The following MYLK3 variants were observed in gnomAD, a reference collection of about 807,000 sequenced individuals.
MYLK3 encodes MLC kinase.
A neutral mutation model predicts 76.3 loss-of-function variants in MYLK3; 55 were observed. That is an observed-to-expected ratio of 0.72 (90% CI 0.58 to 0.90). MYLK3 has a LOEUF of 0.90. Ranked by LOEUF, MYLK3 falls within the 40% of genes least tolerant of loss-of-function variation. The pLI, the probability that MYLK3 is intolerant of heterozygous loss-of-function variation, is 0.00. For synonymous variants in MYLK3, 416 were observed against 425.4 expected, an observed-to-expected ratio of 0.98 and a Z score of 0.27; for missense variants, 973 against 1,053.6, an observed-to-expected ratio of 0.92 and a Z score of 1.06.
rs771442072 is a variant in MYLK3 at position 46,737,969 on chromosome 16, G to T, written c.743C>A (p.Ala248Asp). The change falls in exon 3 of 13, where the codon GCC (alanine) becomes GAC (aspartate). Residue 248 changes from alanine to aspartate, a missense_variant. Ala to Asp is a moderately radical substitution (Grantham distance 126, BLOSUM62 -2). This residue lies in a region of MYLK3 where 641 missense variants were observed against 637.0 expected (regional missense o/e 1.01). Transcript: ENST00000394809. ...CTCGCTGGGTGTCTCAGGAGCCTTG[G>T]CTTCCACCTTTGTGGGCAGGGGCAG... ...GHLPLPTKVE[A>D]KAPETPSENL... The T allele has an allele frequency of 6.8e-6, 11 of 1,614,092 alleles. No homozygotes were observed. Among genetic ancestry groups the T allele is most frequent in the Middle Eastern group, 1.7e-4 (1 of 6,052 alleles).
intron 8 of MYLK3, among the ~76,000 whole-genome samples, chr16:46,721,574 C>T (rs1352820121): frequency 2.0e-5 from 3 of 152,128 alleles, no homozygotes; most frequent in African/African-American, 4.8e-5. Context: ...CGCCATGTTG[C>T]CCAGGCCTGT....
In MYLK3 at chr16:46,743,039, C is replaced by A. The variant is rs559220055; in HGVS notation, c.478-2892G>T. On this transcript the variant is annotated intron_variant, in intron 1 of 12. Coordinates refer to ENST00000394809, the MANE Select transcript of MYLK3 (RefSeq NM_182493.3). ...GGCAGGCGCATGCGTACGCACCCCC[C>A]ACCCCCAGCTGGGTGCTGTCTTCAG... Among the ~76,000 whole-genome samples the A allele has an allele frequency of 5.9e-5, 9 of 152,334 alleles. No individual in the cohort carries two copies. The East Asian group carries it at 1.7e-3, about 29-fold the overall frequency.
chr16:46,736,291 C>T (rs966563688), intron 3 of MYLK3, among the ~76,000 whole-genome samples: 10 of 152,188 alleles, frequency 6.6e-5, no homozygotes, highest in African/African-American at 2.4e-4. Flanking sequence ...GGGATCAAGG[C>T]ATGAGCCACA....
intron 9 of MYLK3, among the ~76,000 whole-genome samples, chr16:46,719,919 T>A (rs1010525925): frequency 2.6e-5 from 4 of 152,250 alleles, no homozygotes; most frequent in African/African-American, 4.8e-5. Context: ...GGCTCACGCC[T>A]GTAATCCCAG....
chr16:46,751,226 C>T (rs1017930037), upstream of MYLK3, among the ~76,000 whole-genome samples: 3 of 151,970 alleles, frequency 2.0e-5, no homozygotes, highest in Admixed American at 6.6e-5. Context: ...GCCTGGTCAA[C>T]ATGATGAAAC....
At chr16:46,730,812 C>T in intron 4 of MYLK3, 114 bp from the exon 5 acceptor site, 1 of 833,314 alleles carries the variant, frequency 1.2e-6, no homozygotes, top group Non-Finnish European at 2.0e-6. Context: ...ATGTACAGCC[C>T]TGGTATTTGA....
intron 1 of MYLK3, among the ~76,000 whole-genome samples, chr16:46,756,749 T>C (rs770408743): frequency 1.3e-5 from 2 of 152,168 alleles, no homozygotes; most frequent in Non-Finnish European, 2.9e-5. Context: ...TGAACACAGG[T>C]TTCCTCATCT....
At chr16:46,733,836 C>T (rs1966857833) in intron 3 of MYLK3, among the ~76,000 whole-genome samples, 1 of 152,290 alleles carries the variant, frequency 6.6e-6, no homozygotes, top group Admixed American at 6.5e-5. Context: ...CTTAGCTCTG[C>T]CAGCAGGTTG....
chr16:46,735,567 C>G (rs1021265224), intron 3 of MYLK3, among the ~76,000 whole-genome samples: 1 of 152,166 alleles, frequency 6.6e-6, no homozygotes, highest in Non-Finnish European at 1.5e-5. Flanking sequence ...CTGAAGGCCC[C>G]GTCCCCGTGT....
In MYLK3 at chr16:46,723,803, C is replaced by T. The variant is rs141631798; in HGVS notation, c.1915-2610G>A. On this transcript the variant is annotated intron_variant, in intron 8 of 12. Coordinates refer to ENST00000394809, the MANE Select transcript of MYLK3 (RefSeq NM_182493.3). ...TAGCTGGGATTACAGGCATGTGCCACGACACCCAGATAATTTTGTATTTTT... is the reference window on the plus strand; with the variant it reads ...TAGCTGGGATTACAGGCATGTGCCATGACACCCAGATAATTTTGTATTTTT... 4.3e-4 allele frequency among the ~76,000 whole-genome samples: 66 copies of T among 152,270 alleles called. 1 individual carries two copies. The highest frequency in any genetic ancestry group is 3.9e-3 in the Admixed American group (60 of 15,294).
chr16:46,748,119 C>T lies in MYLK3; in HGVS notation c.75G>A (p.Met25Ile), dbSNP rs759025389. 1 of 1,614,260 alleles carries T rather than the reference C, an allele frequency of 6.2e-7. No individual in the cohort carries two copies. Among genetic ancestry groups the T allele is most frequent in the Non-Finnish European group, 8.5e-7 (1 of 1,180,040 alleles). Residue 25 changes from methionine to isoleucine, a missense_variant, in exon 1 of 13, where the codon ATG (methionine) becomes ATA (isoleucine). This residue lies in a region of MYLK3 where 641 missense variants were observed against 637.0 expected (regional missense o/e 1.01). Transcript: ENST00000394809. This position sits in a 1 kb window ranked among gnomAD's most constrained non-coding sequence, Gnocchi z 4.3. ...CGTTCAGCATGTTCAGCTTTGTGTC[C>T]ATGGTTGTTAAGCAGGTCTTGCCCA... is the stretch of plus-strand genomic sequence containing the variant. ...PGLGKTCLTT[M>I]DTKLNMLNEK...
chr16:46,721,391 T>C (rs1966798307), intron 8 of MYLK3, among the ~76,000 whole-genome samples, 198 bp from the exon 9 acceptor site: 1 of 152,134 alleles, frequency 6.6e-6, no homozygotes, highest in Non-Finnish European at 1.5e-5. Context: ...TGTGGGGAAC[T>C]GGAGGCTCCC....
At chr16:46,733,111 C>A (rs1966856085) in intron 3 of MYLK3, among the ~76,000 whole-genome samples, 1 of 152,230 alleles carries the variant, frequency 6.6e-6, no homozygotes, top group Non-Finnish European at 1.5e-5. Context: ...CCTGTAATCC[C>A]AGTGCTTTGG....
chr16:46,757,637 C>T (rs1013107459), intron 1 of MYLK3: 1 of 980,226 alleles, frequency 1.0e-6, no homozygotes, highest in Non-Finnish European at 1.2e-6. Context: ...AGAACTCAGG[C>T]AGGAGCGATA....
At chr16:46,744,853 A>G (rs980534534) in intron 1 of MYLK3, among the ~76,000 whole-genome samples, 4 of 152,146 alleles carry the variant, frequency 2.6e-5, no homozygotes, top group African/African-American at 9.7e-5. Flanking sequence ...ATAAATAAAC[A>G]AAGTTATTCA....
chr16:46,759,070 G>T (rs1967242841), intron 1 of MYLK3, among the ~76,000 whole-genome samples: 1 of 152,254 alleles, frequency 6.6e-6, no homozygotes, highest in Non-Finnish European at 1.5e-5. Flanking sequence ...TTACAGAAGT[G>T]GAGAGGGAAA....
chr16:46,727,058 G>C (rs1966844154), intron 8 of MYLK3, 178 bp downstream of exon 8: 1 of 492,846 alleles, frequency 2.0e-6, no homozygotes, highest in Admixed American at 3.5e-5. Context: ...TATCCAGATG[G>C]AAGAACTACA....
intron 1 of MYLK3, among the ~76,000 whole-genome samples, chr16:46,740,552 T>TATATA (rs56281590): frequency 0.013 from 1,147 of 91,364 alleles, 11 homozygotes; most frequent in East Asian, 0.031. Flanking sequence ...TATATATATA[T>TATATA]TTTTTTTTTT....
chr16:46,753,596 G>A (rs1242684453), intron 1 of MYLK3, among the ~76,000 whole-genome samples: 1 of 152,182 alleles, frequency 6.6e-6, no homozygotes, highest in African/African-American at 2.4e-5. Context: ...CAGAGAAAAT[G>A]AGAAACAGAA....
Sources: gnomAD v4.1 joint callset for allele counts (sites outside exome capture counted in the v4.1 genomes callset) on GRCh38, gnomAD v4.1.1 for gene constraint, gnomAD v4.1.1 regional missense constraint, Gnocchi (gnomAD v3.1) non-coding constraint, MANE v1.5 for transcripts, NCBI Gene and HGNC (gene_info 2026-07-23, HGNC 2026-07-21) for gene names.